MTR: variants seen among roughly 807,000 people sequenced by gnomAD.
MTR encodes 5-methyltetrahydrofolate-homocysteine methyltransferase, also known as methionine synthase.
A neutral mutation model predicts 154.8 loss-of-function variants in MTR; 84 were observed. That is an observed-to-expected ratio of 0.54 (90% confidence interval 0.45 to 0.65). The LOEUF (loss-of-function observed/expected upper bound fraction) is 0.65. Ranked by LOEUF, MTR falls within the 30% of genes least tolerant of loss-of-function variation. The probability of loss-of-function intolerance (pLI) is 0.00; values close to 1 mark genes in which losing one functional copy is unlikely to be tolerated. For synonymous variants in MTR, 554 were observed against 553.9 expected (o/e 1.00, Z 0.00); for missense variants, 1,275 against 1,570.2 (o/e 0.81, Z 3.18).
intron 13 of MTR, among the ~76,000 whole-genome samples, 176 bp downstream of exon 13, chr1:236,832,254 A>G (rs1005153130): frequency 1.1e-4 from 17 of 152,338 alleles, no homozygotes; most frequent in Admixed American, 6.5e-4. Context: ...GGCTTTGAAA[A>G]ATTGAAGCTG....
chr1:236,879,859 A>G (rs1362259972), intron 24 of MTR, among the ~76,000 whole-genome samples: 1 of 152,152 alleles, frequency 6.6e-6, no homozygotes, highest in Non-Finnish European at 1.5e-5. Flanking sequence ...CTAAATATTA[A>G]AAGTAAAATA....
rs147876860 is a variant in MTR at position 236,871,551 on chromosome 1, T to C, written c.2406-2222T>C. ...ATCAGCTTTGAAATGTATGCCTTTT[T>C]GTCTTGATTTAAAAGCAGTATGCTA... On this transcript the variant is annotated intron_variant, in intron 22 of 32. Coordinates refer to ENST00000366577, the MANE Select transcript of MTR (RefSeq NM_000254.3). Among the ~76,000 whole-genome samples, 395 of 152,364 alleles carry C rather than the reference T, an allele frequency of 2.6e-3. 4 individuals are homozygous for C. Among genetic ancestry groups the C allele is most frequent in the African/African-American group, 8.5e-3 (353 of 41,588 alleles).
intron 13 of MTR, among the ~76,000 whole-genome samples, chr1:236,834,767 A>G (rs1216122478): frequency 6.6e-6 from 1 of 152,232 alleles, no homozygotes; most frequent in Non-Finnish European, 1.5e-5. Context: ...TGGAACATGT[A>G]TATTTTGCCC....
At chr1:236,889,147 C>T (rs768089921) in intron 27 of MTR, 34 bp from the exon 28 acceptor site, 50 of 1,613,446 alleles carry the variant, frequency 3.1e-5, no homozygotes, top group South Asian at 1.5e-4. Flanking sequence ...AGGGTGCCAG[C>T]GTCAGCATTG....
chr1:236,795,644 C>T lies in MTR; in HGVS notation c.-60C>T. 1 of 1,611,280 alleles carries T rather than the reference C, an allele frequency of 6.2e-7. No individual in the cohort carries two copies. Among genetic ancestry groups the T allele is most frequent in the Non-Finnish European group, 8.5e-7 (1 of 1,179,726 alleles). On this transcript the variant is annotated 5_prime_UTR_variant, in exon 1 of 33. Coordinates refer to ENST00000366577, the MANE Select transcript of MTR (RefSeq NM_000254.3). ...GGCTGGCGTGGCCCTTGGCCGTCGT[C>T]ACCTGTGGAGAGCACGTCTTCTCTG... is the stretch of plus-strand genomic sequence containing the variant.
chr1:236,835,630 T>C lies in MTR; in HGVS notation c.1272T>C (p.Gly424=). The C allele has an allele frequency of 6.2e-7, 1 of 1,609,574 alleles. No individual in the cohort carries two copies. Among genetic ancestry groups the C allele is most frequent in the South Asian group, 1.1e-5 (1 of 90,706 alleles). The change falls in exon 14 of 33, where the codon GGT becomes GGC. Residue 424 remains glycine, a synonymous_variant. Coordinates refer to ENST00000366577, the MANE Select transcript of MTR (RefSeq NM_000254.3). ...DVNMDDGMLD[G]PSAMTRFCNL... ...ACATGGATGATGGCATGCTAGATGG[T>C]CCAAGTGCAATGACCAGATTTTGCA... is the stretch of plus-strand genomic sequence containing the variant.
intron 8 of MTR, among the ~76,000 whole-genome samples, chr1:236,818,980 A>T (rs1661762080): frequency 6.6e-6 from 1 of 152,208 alleles, no homozygotes; most frequent in Non-Finnish European, 1.5e-5. Flanking sequence ...GTGACATTTG[A>T]GCTAGGTTTT....
At position 236,903,521 on chromosome 1, in the gene MTR, C is replaced by T. The variant is rs1249756760; in HGVS notation, c.*5877C>T. ...AAGTATTATTATAGACTTTTGGAGA[C>T]TCACGAAACAAGCAATCCCTAAATT... On this transcript the variant is annotated 3_prime_UTR_variant, in exon 33 of 33. Transcript: ENST00000366577. 6.6e-6 allele frequency: 1 copy of T among 152,178 alleles called. No individual in the cohort carries two copies. Among genetic ancestry groups the T allele is most frequent in the Non-Finnish European group, 1.5e-5 (1 of 68,036 alleles). 9.4% of individuals were successfully genotyped at this position (152,178 alleles called of 1,614,324 possible). A position where few individuals can be genotyped will look rare whatever the true frequency, so the allele number is the denominator to read the frequency against.
Position 236,852,649 on chromosome 1 carries a change from G to T in MTR, c.1812+12G>T. 1 of 1,609,108 alleles carries T rather than the reference G, an allele frequency of 6.2e-7. No individual in the cohort carries two copies. Among genetic ancestry groups the T allele is most frequent in the South Asian group, 1.1e-5 (1 of 90,980 alleles). On this transcript the variant is annotated intron_variant, in intron 17 of 32. Coordinates refer to ENST00000366577, the MANE Select transcript of MTR (RefSeq NM_000254.3). ...ACCATGCAATCAAGGTATGGTAGAAGAACTCTTAGCCCTGCGGAAACCAGT... is the reference window on the plus strand; with the variant it reads ...ACCATGCAATCAAGGTATGGTAGAATAACTCTTAGCCCTGCGGAAACCAGT...
Position 236,874,739 on chromosome 1 carries a change from G to C in MTR, c.2487G>C (p.Leu829=), listed in dbSNP as rs1053480878. Residue 829 remains leucine (L), a synonymous_variant, in exon 24 of 33, where the codon CTG becomes CTC. Coordinates refer to ENST00000366577, the MANE Select transcript of MTR (RefSeq NM_000254.3). ...ALDHKADIIG[L]SGLITPSLDE... The stretch of plus-strand genomic sequence containing the variant: ...AAAAAAAAATAGATATAATTGGCCT[G>C]TCAGGACTCATCACTCCTTCCCTGG... 4 of 1,604,018 alleles carry C rather than the reference G, an allele frequency of 2.5e-6. No individual in the cohort carries two copies. Among genetic ancestry groups the C allele is most frequent in the Non-Finnish European group, 3.4e-6 (4 of 1,173,928 alleles).
At chr1:236,863,899 A>G (rs1022788824) in intron 22 of MTR, among the ~76,000 whole-genome samples, 1 of 152,100 alleles carries the variant, frequency 6.6e-6, no homozygotes, top group Admixed American at 6.5e-5. Context: ...TGTTCATCAT[A>G]TCCTCTTTTT....
chr1:236,903,739 ACT>A lies in MTR; in HGVS notation c.*6098_*6099del, dbSNP rs1317876490. On this transcript the variant is annotated 3_prime_UTR_variant, in exon 33 of 33. Transcript: ENST00000366577. ...TGAACTTGCAGCAGGTGAGGAAGGA[ACT>A]CTGAACTCTCACAATCTTGTTTCTT... 5.3e-5 allele frequency: 8 copies of A among 152,102 alleles called. No homozygotes were observed. The highest frequency in any genetic ancestry group is 2.0e-4 in the Admixed American group (3 of 15,260). The allele number at this position is 152,102 out of a possible 1,614,324, so 9.4% of individuals were successfully genotyped here. A position where few individuals can be genotyped will look rare whatever the true frequency, so the allele number is the denominator to read the frequency against.
intron 31 of MTR, 54 bp downstream of exon 31, chr1:236,895,604 A>G: frequency 3.3e-6 from 5 of 1,526,884 alleles, no homozygotes; most frequent in Non-Finnish European, 4.4e-6. Flanking sequence ...AGATACTCTT[A>G]TCAGCATACT....
In MTR at chr1:236,828,415, G is replaced by C. The variant is rs373440197; in HGVS notation, c.996-774G>C. ...AAGAGGAGTTGTTTTAAATGTCTGT[G>C]TGTATGTTTGTGTATATCTATATTT... On this transcript the variant is annotated intron_variant, in intron 11 of 32. Transcript: ENST00000366577. Among the ~76,000 whole-genome samples the C allele has an allele frequency of 3.7e-4, 56 of 152,204 alleles. 7 individuals carry two copies. The highest frequency in any genetic ancestry group is 2.5e-3 in the East Asian group (13 of 5,190).
intron 4 of MTR, 105 bp downstream of exon 4, chr1:236,808,878 C>A (rs976541203): frequency 5.1e-6 from 5 of 973,934 alleles, no homozygotes; most frequent in Middle Eastern, 2.1e-4. Context: ...CTTTGGCTTA[C>A]GAGTAACACT....
intron 15 of MTR, among the ~76,000 whole-genome samples, chr1:236,846,995 T>C (rs1422627577): frequency 6.6e-6 from 1 of 152,226 alleles, no homozygotes; most frequent in Non-Finnish European, 1.5e-5. Flanking sequence ...CAAGCAATTC[T>C]CCTGACTCAG....
Position 236,812,749 on chromosome 1 carries a change from C to G in MTR, c.514C>G (p.Leu172Val). 1 of 1,613,898 alleles carries G rather than the reference C, an allele frequency of 6.2e-7. No individual in the cohort carries two copies. The highest frequency in any genetic ancestry group is 8.5e-7 in the Non-Finnish European group (1 of 1,179,876). ...PDYRNITFDE[L>V]VEAYQEQAKG... Reference sequence around the variant, plus strand: ...TTTATTTTTTGCAGCATTTGATGAGCTTGTTGAAGCATACCAAGAGCAGGC... The same window carrying G: ...TTTATTTTTTGCAGCATTTGATGAGGTTGTTGAAGCATACCAAGAGCAGGC... Residue 172 changes from leucine (L) to valine (V), a missense_variant, in exon 6 of 33, where the codon CTT becomes GTT. Transcript: ENST00000366577.
At chr1:236,892,715 G>C in intron 29 of MTR, among the ~76,000 whole-genome samples, 1 of 152,082 alleles carries the variant, frequency 6.6e-6, no homozygotes, top group East Asian at 1.9e-4. Flanking sequence ...AGGCACTGGG[G>C]TTCTAATGTT....
chr1:236,898,121 C>T lies in MTR; in HGVS notation c.*477C>T, dbSNP rs1666763556. 1 of 182,532 alleles carries T rather than the reference C, an allele frequency of 5.5e-6. No homozygotes were observed. The allele number at this position is 182,532 out of a possible 1,614,324, so 11.3% of individuals were successfully genotyped here. On this transcript the variant is annotated 3_prime_UTR_variant, in exon 33 of 33. Transcript: ENST00000366577. ...ATCTAAGTGGTTATAACAGTGGATT[C>T]TGACGGGGAAGGTGTAGCTCTGTTC...
Sources: gnomAD v4.1 joint callset for allele counts (sites outside exome capture counted in the v4.1 genomes callset) on GRCh38, gnomAD v4.1.1 for gene constraint, MANE v1.5 for transcripts, NCBI Gene and HGNC (gene_info 2026-07-23, HGNC 2026-07-21) for gene names.